Variants in CPEB1 observed in about 807,000 individuals in gnomAD.
CPEB1 encodes the protein cytoplasmic polyadenylation element binding protein 1.
A neutral mutation model predicts 65.8 loss-of-function variants in CPEB1; 7 were observed. The observed-to-expected ratio is 0.11, with a 90% CI of 0.06 to 0.20. The LOEUF is 0.20. Among genes scored for constraint, CPEB1 ranks in the 10% least tolerant of loss-of-function variants. The pLI, the probability that CPEB1 is intolerant of heterozygous loss-of-function variation, is 1.00. For synonymous variants in CPEB1, 262 were observed against 260.0 expected (o/e 1.01, Z -0.08); for missense variants, 551 against 712.2 (o/e 0.77, Z 2.58).
At chr15:82,594,763 T>C (rs1047054253) in intron 3 of CPEB1, among the ~76,000 whole-genome samples, 2 of 152,188 alleles carry the variant, frequency 1.3e-5, no homozygotes, top group Non-Finnish European at 2.9e-5. Context: ...CTGAGACACA[T>C]GTGACTCTTC....
At chr15:82,646,311 C>T (rs1340635914) in intron 1 of CPEB1, among the ~76,000 whole-genome samples, 4 of 152,172 alleles carry the variant, frequency 2.6e-5, no homozygotes, top group Non-Finnish European at 5.9e-5. Flanking sequence ...ACCCACTTGC[C>T]CCTCTTCCCC....
At position 82,600,968 on chromosome 15, in the gene CPEB1, A is replaced by G. The variant is rs543444428; in HGVS notation, c.271+26225T>C. Among the ~76,000 whole-genome samples the G allele has an allele frequency of 1.0e-4, 15 of 143,068 alleles. No homozygotes were observed. In the East Asian group the frequency reaches 3.2e-3, roughly 30 times the overall value. The allele number at this position is 143,068 out of a possible 152,430, so 93.9% of individuals were successfully genotyped here. On this transcript the variant is annotated intron_variant, in intron 3 of 12. Transcript: ENST00000684509. ...TGCCCAGGCTAGAGTGCAGTGGCGC[A>G]ACCTCCGCTCACTGCAACCTCCACC...
At chr15:82,568,442 C>T (rs1332354095) in intron 4 of CPEB1, among the ~76,000 whole-genome samples, 1 of 152,168 alleles carries the variant, frequency 6.6e-6, no homozygotes. Flanking sequence ...CCAAAGTCTT[C>T]CTCCCCATCA....
chr15:82,608,636 G>T (rs931461999), intron 3 of CPEB1, among the ~76,000 whole-genome samples: 3 of 152,106 alleles, frequency 2.0e-5, no homozygotes, highest in Admixed American at 6.5e-5. Flanking sequence ...CAAGCTTTTG[G>T]TTTAATTTCC....
At chr15:82,590,049 G>C (rs568886163) in intron 3 of CPEB1, among the ~76,000 whole-genome samples, 2 of 152,000 alleles carry the variant, frequency 1.3e-5, no homozygotes, top group Non-Finnish European at 2.9e-5. Context: ...GACAACTTTT[G>C]CTTCTACTCC....
intron 5 of CPEB1, chr15:82,557,459 A>C: frequency 8.7e-6 from 3 of 346,360 alleles, no homozygotes; most frequent in Non-Finnish European, 1.6e-5. Context: ...GAACACTGCC[A>C]GGGCCCTCAC....
intron 1 of CPEB1, among the ~76,000 whole-genome samples, chr15:82,638,789 T>A (rs1047468170): frequency 6.6e-6 from 1 of 152,242 alleles, no homozygotes; most frequent in African/African-American, 2.4e-5. Flanking sequence ...AGGCATATAT[T>A]CAAGGGCTGA....
At chr15:82,610,769 C>T (rs1389577350) in intron 3 of CPEB1, among the ~76,000 whole-genome samples, 1 of 151,322 alleles carries the variant, frequency 6.6e-6, no homozygotes, top group Non-Finnish European at 1.5e-5. Context: ...TCCAGGCTGA[C>T]CAACATCATG....
At chr15:82,556,287 A>C (rs543157979) in intron 5 of CPEB1, 165 bp from the exon 6 acceptor site, 2 of 703,560 alleles carry the variant, frequency 2.8e-6, no homozygotes, top group East Asian at 6.4e-5. Flanking sequence ...GTTATACTAT[A>C]ATTTAAACAA....
chr15:82,574,722 C>CA (rs534968367), intron 3 of CPEB1, among the ~76,000 whole-genome samples: 3,040 of 53,414 alleles, frequency 0.057, 372 homozygotes, highest in East Asian at 0.15. Flanking sequence ...GACTCGGTCT[C>CA]AAAAAAAAAA....
At chr15:82,620,429 AG>A (rs67598609) in intron 3 of CPEB1, among the ~76,000 whole-genome samples, 2,173 of 145,174 alleles carry the variant, frequency 0.015, 49 homozygotes, top group African/African-American at 0.048. Flanking sequence ...TGTCTCAAAA[AG>A]AAAAAAAAAG....
chr15:82,628,185 T>A, intron 2 of CPEB1, 179 bp downstream of exon 2: 1 of 701,192 alleles, frequency 1.4e-6, no homozygotes. Context: ...AAAGCCATCA[T>A]GCCCAAAATA....
intron 3 of CPEB1, among the ~76,000 whole-genome samples, chr15:82,602,513 C>A (rs1381569084): frequency 6.6e-6 from 1 of 152,066 alleles, no homozygotes; most frequent in Non-Finnish European, 1.5e-5. Flanking sequence ...TGTGCCACTA[C>A]CTTAGTGACA....
At chr15:82,588,130 T>C (rs2041950163) in intron 3 of CPEB1, among the ~76,000 whole-genome samples, 1 of 149,530 alleles carries the variant, frequency 6.7e-6, no homozygotes, top group Non-Finnish European at 1.5e-5. Flanking sequence ...TTTTTTTTTG[T>C]AGAAACAGGG....
chr15:82,645,836 C>T (rs944200485), intron 1 of CPEB1, among the ~76,000 whole-genome samples: 17 of 151,808 alleles, frequency 1.1e-4, no homozygotes, highest in Non-Finnish European at 2.2e-4. Context: ...AGACTGCATT[C>T]CAGCCTGGGT....
intron 3 of CPEB1, among the ~76,000 whole-genome samples, chr15:82,610,862 G>A (rs1429476140): frequency 6.9e-6 from 1 of 145,386 alleles, no homozygotes; most frequent in East Asian, 2.1e-4. Flanking sequence ...GGAGGCTGAG[G>A]CAGGAGAATT....
chr15:82,632,262 G>T (rs879548927), intron 1 of CPEB1, among the ~76,000 whole-genome samples: 1 of 151,846 alleles, frequency 6.6e-6, no homozygotes, highest in Non-Finnish European at 1.5e-5. Context: ...GATTACAGGC[G>T]TGAGCCACTG....
rs536595449 is a variant in CPEB1 at position 82,546,433 on chromosome 15, G to A, written c.1656+8C>T. 3.4e-5 allele frequency: 54 copies of A among 1,611,344 alleles called. No individual in the cohort carries two copies. In the African/African-American group the frequency reaches 4.0e-4, roughly 12 times the overall value. The stretch of plus-strand genomic sequence containing the variant: ...AGAGGGCAGGGACTTCATAGACATC[G>A]GACCCACCTGATCTCGACAGAAGAA... On this transcript the variant is annotated splice_region_variant and intron_variant, in intron 12 of 12. Coordinates refer to ENST00000684509, the MANE Select transcript of CPEB1 (RefSeq NM_001365242.1).
In CPEB1 at chr15:82,553,974, A is replaced by G; in HGVS notation, c.958T>C (p.Cys320Arg). 6.2e-7 allele frequency: 1 copy of G among 1,604,958 alleles called. No individual in the cohort carries two copies. The highest frequency in any genetic ancestry group is 8.5e-7 in the Non-Finnish European group (1 of 1,177,064). ...RQAAAVNEAT[C>R]TWSGQLPPRN... ...GGAGGAAGCTGGCCACTCCAGGTAC[A>G]GGTGGCTTCATTCACAGCTTTGGTA... is the stretch of plus-strand genomic sequence containing the variant. The change falls in exon 7 of 13, where the codon TGT becomes CGT. Residue 320 changes from cysteine to arginine, a missense_variant. Around this residue, in one of 6 missense-constraint regions of CPEB1, gnomAD observed 128 missense variants for 129.1 expected, o/e 0.99. Transcript: ENST00000684509.
Sources: gnomAD v4.1 joint callset for allele counts (sites outside exome capture counted in the v4.1 genomes callset) on GRCh38, gnomAD v4.1.1 for gene constraint, gnomAD v4.1.1 regional missense constraint, MANE v1.5 for transcripts, NCBI Gene and HGNC (gene_info 2026-07-23, HGNC 2026-07-21) for gene names.